PALLD: variants seen among roughly 807,000 people sequenced by gnomAD.
PALLD encodes palladin, cytoskeletal associated protein, also known as palladin.
Under a neutral mutation model 123.5 loss-of-function variants are expected in PALLD, and 61 were observed. The ratio of observed to expected loss-of-function variants is 0.49; its 90% CI spans 0.40 to 0.61. The LOEUF is 0.61. PALLD is among the 20% of genes least tolerant of loss of function. PALLD has a pLI of 0.00. For missense variants in PALLD, 1,273 were observed against 1,377.0 expected, an observed-to-expected ratio of 0.92 and a Z score of 1.20; for synonymous variants, 465 against 496.4, an observed-to-expected ratio of 0.94 and a Z score of 0.84.
At chr4:168,504,466 C>T (rs1761782883) in intron 1 of PALLD, among the ~76,000 whole-genome samples, 1 of 151,970 alleles carries the variant, frequency 6.6e-6, no homozygotes, top group South Asian at 2.1e-4. Flanking sequence ...TGGTGGCAGG[C>T]ACCTGTAGCC....
chr4:168,794,498 A>ACACACATG lies in PALLD; in HGVS notation c.1964+82581_1964+82582insTGCACACA, dbSNP rs1489733542. Among the ~76,000 whole-genome samples the ACACACATG allele has an allele frequency of 8.4e-3, 1,036 of 123,620 alleles. 9 individuals carry two copies. The highest frequency in any genetic ancestry group is 0.025 in the African/African-American group (794 of 31,942). The allele number at this position is 123,620 out of a possible 152,430, so 81.1% of individuals were successfully genotyped here. The stretch of plus-strand genomic sequence containing the variant: ...CACACGCACACACACATGCACGCAC[A>ACACACATG]CACACACGCACACACACACACACAC... On this transcript the variant is annotated intron_variant, in intron 10 of 21. Transcript: ENST00000505667.
intron 10 of PALLD, among the ~76,000 whole-genome samples, chr4:168,840,290 A>C (rs780894118): frequency 2.0e-5 from 3 of 152,184 alleles, no homozygotes; most frequent in Non-Finnish European, 4.4e-5. Context: ...GGAACAAGAG[A>C]TAAGGAGCTC....
chr4:168,576,502 T>C (rs1017043151), intron 2 of PALLD, among the ~76,000 whole-genome samples: 1 of 152,128 alleles, frequency 6.6e-6, no homozygotes, highest in African/African-American at 2.4e-5. Flanking sequence ...TTTTTTGTCC[T>C]TGCGATAGTT....
intron 2 of PALLD, among the ~76,000 whole-genome samples, chr4:168,662,875 G>A (rs1469013093): frequency 6.6e-6 from 1 of 152,234 alleles, no homozygotes; most frequent in African/African-American, 2.4e-5. Flanking sequence ...TGTTAGTTTA[G>A]ACAAGAAGGT....
chr4:168,777,026 T>C (rs916990634), intron 10 of PALLD, among the ~76,000 whole-genome samples: 3 of 148,134 alleles, frequency 2.0e-5, no homozygotes, highest in African/African-American at 7.7e-5. Context: ...TCTTCCATTT[T>C]AAATTTTGTA....
At chr4:168,792,201 G>T (rs895165486) in intron 10 of PALLD, among the ~76,000 whole-genome samples, 14 of 152,120 alleles carry the variant, frequency 9.2e-5, no homozygotes, top group African/African-American at 3.4e-4. Context: ...CAAGATTCCT[G>T]TGGGGGCTTC....
intron 2 of PALLD, among the ~76,000 whole-genome samples, chr4:168,652,160 A>ATAG (rs1778120248): frequency 6.6e-6 from 1 of 152,106 alleles, no homozygotes; most frequent in Non-Finnish European, 1.5e-5. Context: ...TTCCCAACAG[A>ATAG]TAGTCTTATG....
intron 10 of PALLD, among the ~76,000 whole-genome samples, chr4:168,743,939 T>C (rs1433539108): frequency 6.6e-6 from 1 of 152,172 alleles, no homozygotes; most frequent in Non-Finnish European, 1.5e-5. Context: ...GGAATTTGCT[T>C]CCACTGTCTG....
chr4:168,597,574 C>G (rs1334101770), intron 2 of PALLD, among the ~76,000 whole-genome samples: 1 of 151,950 alleles, frequency 6.6e-6, no homozygotes, highest in Non-Finnish European at 1.5e-5. Flanking sequence ...TTCTGAGTAT[C>G]ATTTCATGCA....
chr4:168,540,890 G>A lies in PALLD; in HGVS notation c.908+28478G>A, dbSNP rs566449941. Among the ~76,000 whole-genome samples the A allele has an allele frequency of 3.3e-5, 5 of 152,094 alleles. No individual in the cohort carries two copies. In the East Asian group the frequency reaches 9.7e-4, roughly 29 times the overall value. On this transcript the variant is annotated intron_variant, in intron 2 of 21. Coordinates refer to ENST00000505667, the MANE Select transcript of PALLD (RefSeq NM_001166108.2). The stretch of plus-strand genomic sequence containing the variant: ...TTATTAAATTAGCTGTAAGGAGTTG[G>A]AGTTTGTATTTGGCATTCCTTCTCA...
chr4:168,894,468 A>G (rs564531182), intron 11 of PALLD, 111 bp from the exon 12 acceptor site: 6 of 737,910 alleles, frequency 8.1e-6, no homozygotes, highest in Non-Finnish European at 1.4e-5. Context: ...CTGGAGAGAG[A>G]ACACTTACAG....
intron 2 of PALLD, among the ~76,000 whole-genome samples, chr4:168,644,981 A>G (rs1408579903): frequency 2.6e-5 from 4 of 151,884 alleles, no homozygotes; most frequent in Admixed American, 2.0e-4. Context: ...GGCGCCTGTA[A>G]TCCCAGCTAC....
In PALLD at chr4:168,790,048, A is replaced by G. The variant is rs182839450; in HGVS notation, c.1964+78125A>G. On this transcript the variant is annotated intron_variant, in intron 10 of 21. Coordinates refer to ENST00000505667, the MANE Select transcript of PALLD (RefSeq NM_001166108.2). ...AGACCAGAATTTTGCAAAATTCTGG[A>G]CCTGCCTCTCTGGCCTGCCTCTCTC... Among the ~76,000 whole-genome samples, 867 of 151,840 alleles carry G rather than the reference A, an allele frequency of 5.7e-3. 8 individuals carry two copies. The highest frequency in any genetic ancestry group is 0.019 in the African/African-American group (779 of 41,494).
intron 2 of PALLD, among the ~76,000 whole-genome samples, chr4:168,655,940 A>G (rs757059143): frequency 8.5e-5 from 13 of 152,240 alleles, no homozygotes; most frequent in Non-Finnish European, 1.9e-4. Context: ...AATTCCATAG[A>G]GTCGAAGACA....
At chr4:168,830,315 A>G (rs1448828141) in intron 10 of PALLD, among the ~76,000 whole-genome samples, 1 of 151,558 alleles carries the variant, frequency 6.6e-6, no homozygotes, top group Non-Finnish European at 1.5e-5. Flanking sequence ...ACTTGAGATC[A>G]GGAGTTTGAG....
At chr4:168,568,180 G>A (rs7659072) in intron 2 of PALLD, among the ~76,000 whole-genome samples, 59,541 of 149,402 alleles carry the variant, frequency 0.4, 12,140 homozygotes, top group East Asian at 0.65. Context: ...TAAATATATA[G>A]CAAAAAAATC....
At chr4:168,917,289 C>T (rs1760375321) in intron 17 of PALLD, among the ~76,000 whole-genome samples, 1 of 152,056 alleles carries the variant, frequency 6.6e-6, no homozygotes. Flanking sequence ...ACCTCGTGAT[C>T]CGCCCTCCTC....
intron 2 of PALLD, among the ~76,000 whole-genome samples, chr4:168,512,716 T>G (rs947284031): frequency 3.9e-5 from 6 of 152,196 alleles, no homozygotes; most frequent in African/African-American, 1.2e-4. Context: ...ACACTTAAGA[T>G]GTGAAACTTA....
chr4:168,891,175 A>T, intron 11 of PALLD, 118 bp downstream of exon 11: 4 of 1,064,088 alleles, frequency 3.8e-6, no homozygotes, highest in Non-Finnish European at 5.7e-6. Context: ...TATTATTATT[A>T]TTTTTGAGAC....
Sources: gnomAD v4.1 joint callset for allele counts (sites outside exome capture counted in the v4.1 genomes callset) on GRCh38, gnomAD v4.1.1 for gene constraint, MANE v1.5 for transcripts, NCBI Gene and HGNC (gene_info 2026-07-23, HGNC 2026-07-21) for gene names.